Variants in TNIK observed in about 807,000 individuals in gnomAD.
The protein encoded by TNIK is TRAF2 and NCK interacting kinase.
Under a neutral mutation model 191.3 loss-of-function variants are expected in TNIK, and 49 were observed. That is an observed-to-expected ratio of 0.26 (90% CI 0.20 to 0.32). TNIK has a LOEUF of 0.32. Among genes scored for constraint, TNIK ranks in the 10% least tolerant of loss-of-function variants. The pLI, the probability that TNIK is intolerant of heterozygous loss-of-function variation, is 1.00. For synonymous variants in TNIK, 594 were observed against 600.9 expected (o/e 0.99, Z 0.17); for missense variants, 1,155 against 1,702.3 (o/e 0.68, Z 5.66).
chr3:171,448,024 T>C (rs1404247590), intron 1 of TNIK, among the ~76,000 whole-genome samples: 2 of 152,228 alleles, frequency 1.3e-5, no homozygotes, highest in African/African-American at 4.8e-5. Flanking sequence ...TACTGAAATA[T>C]TTATAAATGA....
intron 1 of TNIK, among the ~76,000 whole-genome samples, chr3:171,458,303 C>T (rs1415808006): frequency 6.6e-6 from 1 of 152,142 alleles, no homozygotes; most frequent in Admixed American, 6.5e-5. Context: ...CAGACCTGGC[C>T]AATGCACCCA....
intron 18 of TNIK, among the ~76,000 whole-genome samples, chr3:171,112,168 C>T (rs1368224371): frequency 6.6e-6 from 1 of 152,170 alleles, no homozygotes; most frequent in Non-Finnish European, 1.5e-5. Context: ...TCATGTTATA[C>T]ACTGTAAATA....
intron 2 of TNIK, among the ~76,000 whole-genome samples, chr3:171,298,483 C>T (rs550538001): frequency 2.6e-5 from 4 of 152,298 alleles, no homozygotes; most frequent in South Asian, 4.1e-4. Context: ...TGTCAGATCA[C>T]GTGATATAGT....
At chr3:171,210,826 A>G (rs1740713355) in intron 4 of TNIK, among the ~76,000 whole-genome samples, 1 of 150,488 alleles carries the variant, frequency 6.6e-6, no homozygotes, top group East Asian at 2.0e-4. Flanking sequence ...CTAAAATAAA[A>G]CACAATAAAA....
intron 2 of TNIK, among the ~76,000 whole-genome samples, chr3:171,273,581 T>C (rs1749384740): frequency 6.6e-6 from 1 of 152,194 alleles, no homozygotes; most frequent in Non-Finnish European, 1.5e-5. Flanking sequence ...CATGGATAGT[T>C]GTTCAAATTA....
intron 19 of TNIK, among the ~76,000 whole-genome samples, chr3:171,109,954 G>C (rs1725596292): frequency 6.6e-6 from 1 of 151,980 alleles, no homozygotes; most frequent in Non-Finnish European, 1.5e-5. Flanking sequence ...GCCAAGGCTG[G>C]AGTACAATGG....
chr3:171,271,429 A>C (rs1215542097), intron 2 of TNIK, among the ~76,000 whole-genome samples: 1 of 152,100 alleles, frequency 6.6e-6, no homozygotes, highest in Non-Finnish European at 1.5e-5. Context: ...TATCCAATAC[A>C]CACCCTCTAA....
intron 11 of TNIK, 68 bp from the exon 12 acceptor site, chr3:171,157,732 A>T: frequency 6.7e-7 from 1 of 1,489,318 alleles, no homozygotes; most frequent in Non-Finnish European, 9.1e-7. Flanking sequence ...GAGGCCTTGG[A>T]GGAGGAAAGC....
intron 2 of TNIK, among the ~76,000 whole-genome samples, chr3:171,323,583 C>G (rs1755409913): frequency 6.6e-6 from 1 of 152,074 alleles, no homozygotes; most frequent in African/African-American, 2.4e-5. Flanking sequence ...AACTCCCACC[C>G]CAATATGTTC....
chr3:171,066,078 G>T, intron 32 of TNIK, 109 bp downstream of exon 32: 1 of 1,396,062 alleles, frequency 7.2e-7, no homozygotes, highest in Non-Finnish European at 9.8e-7. Flanking sequence ...AATATTGATT[G>T]TTTAACACAG....
chr3:171,384,788 G>A (rs1718515174), intron 1 of TNIK, among the ~76,000 whole-genome samples: 1 of 152,140 alleles, frequency 6.6e-6, no homozygotes. Context: ...AAAGAACTGT[G>A]TTTTAGAAGA....
At chr3:171,414,504 C>G (rs910127705) in intron 1 of TNIK, among the ~76,000 whole-genome samples, 2 of 152,188 alleles carry the variant, frequency 1.3e-5, no homozygotes, top group African/African-American at 4.8e-5. Flanking sequence ...TTATAAAGCA[C>G]GTTCATACAC....
intron 2 of TNIK, among the ~76,000 whole-genome samples, chr3:171,357,050 G>C (rs1016404468): frequency 6.6e-6 from 1 of 152,132 alleles, no homozygotes; most frequent in Admixed American, 6.6e-5. Flanking sequence ...CACAAAAACA[G>C]CCTTAGAATC....
At chr3:171,123,546 A>T in intron 18 of TNIK, 50 bp downstream of exon 18, 1 of 1,424,226 alleles carries the variant, frequency 7.0e-7, no homozygotes, top group South Asian at 1.4e-5. Context: ...CAATAATGAC[A>T]ATGGTGGGTA....
chr3:171,421,292 C>T (rs1723761365), intron 1 of TNIK, among the ~76,000 whole-genome samples: 1 of 152,180 alleles, frequency 6.6e-6, no homozygotes. Flanking sequence ...CATGCACATA[C>T]CCCAGAAAAT....
intron 2 of TNIK, among the ~76,000 whole-genome samples, chr3:171,302,713 T>G (rs1753014969): frequency 6.6e-6 from 1 of 152,234 alleles, no homozygotes; most frequent in South Asian, 2.1e-4. Flanking sequence ...TAAATAATGT[T>G]TTAGTATCTA....
chr3:171,264,781 G>A (rs979157447), intron 2 of TNIK, among the ~76,000 whole-genome samples: 9 of 152,298 alleles, frequency 5.9e-5, no homozygotes, highest in African/African-American at 1.4e-4. Context: ...AGAAGGAAGC[G>A]ATAGCCCTGC....
chr3:171,127,488 G>A (rs1728650585), intron 16 of TNIK, among the ~76,000 whole-genome samples: 3 of 151,946 alleles, frequency 2.0e-5, no homozygotes, highest in South Asian at 4.1e-4. Flanking sequence ...CCTGAAGAAA[G>A]CTTAAGTGAA....
intron 11 of TNIK, among the ~76,000 whole-genome samples, chr3:171,158,144 T>C (rs1239971119): frequency 6.6e-6 from 1 of 152,140 alleles, no homozygotes; most frequent in African/African-American, 2.4e-5. Flanking sequence ...GCCAGGCTGC[T>C]CCTGTGAAGC....
Sources: allele counts gnomAD v4.1 joint callset (sites outside exome capture counted in the v4.1 genomes callset), GRCh38; gene constraint gnomAD v4.1.1; transcripts MANE v1.5; gene names NCBI Gene and HGNC (gene_info 2026-07-23, HGNC 2026-07-21).